ADAM18: variants seen among roughly 807,000 people sequenced by gnomAD.
ADAM18 encodes disintegrin and metalloproteinase domain-containing protein 18.
Under a neutral mutation model 94.4 loss-of-function variants are expected in ADAM18, and 117 were observed. The observed-to-expected ratio is 1.24, with a 90% CI of 1.07 to 1.45. The LOEUF (loss-of-function observed/expected upper bound fraction) is 1.45, where lower values mean the gene tolerates loss of function less well. Among genes scored for constraint, ADAM18 ranks in the 40% most tolerant of loss-of-function variants. The pLI, the probability that ADAM18 is intolerant of heterozygous loss-of-function variation, is 0.00. For missense variants in ADAM18, 936 were observed against 880.0 expected (o/e 1.06, Z -0.81); for synonymous variants, 327 against 291.6 (o/e 1.12, Z -1.24).
intron 6 of ADAM18, chr8:39,611,086 T>A: frequency 1.0e-6 from 1 of 1,001,216 alleles, no homozygotes; most frequent in Non-Finnish European, 1.2e-6. Flanking sequence ...GCCATTTGCA[T>A]GTTGCCAGAT....
chr8:39,698,507 C>T (rs1457157475), intron 17 of ADAM18, among the ~76,000 whole-genome samples: 3 of 151,904 alleles, frequency 2.0e-5, no homozygotes, highest in African/African-American at 7.2e-5. Flanking sequence ...TGGTGAATTG[C>T]TTGGTGTGTG....
intron 12 of ADAM18, among the ~76,000 whole-genome samples, chr8:39,651,667 G>A (rs1014346707): frequency 2.0e-5 from 3 of 152,128 alleles, no homozygotes; most frequent in Non-Finnish European, 2.9e-5. Context: ...CAAGGCAGAA[G>A]AATTTTTCTT....
intron 14 of ADAM18, among the ~76,000 whole-genome samples, chr8:39,674,233 T>G (rs1192444278): frequency 6.6e-6 from 1 of 152,164 alleles, no homozygotes; most frequent in Non-Finnish European, 1.5e-5. Flanking sequence ...TGTTAAAGTT[T>G]CCCATTATTA....
intron 6 of ADAM18, among the ~76,000 whole-genome samples, chr8:39,614,026 A>G (rs1427476682): frequency 6.6e-6 from 1 of 152,194 alleles, no homozygotes; most frequent in Non-Finnish European, 1.5e-5. Context: ...AGTGAAAGAG[A>G]GAGAGCAAGC....
chr8:39,666,577 A>G (rs1175059709), intron 13 of ADAM18, among the ~76,000 whole-genome samples: 1 of 152,160 alleles, frequency 6.6e-6, no homozygotes, highest in African/African-American at 2.4e-5. Context: ...AAAGAAGTTT[A>G]ATGGACTCGC....
At chr8:39,689,429 G>A (rs1304721961) in intron 16 of ADAM18, among the ~76,000 whole-genome samples, 10 of 152,036 alleles carry the variant, frequency 6.6e-5, no homozygotes, top group Non-Finnish European at 1.3e-4. Flanking sequence ...CATTTATCCC[G>A]GCATCATTTA....
At chr8:39,629,819 A>G (rs1046747612) in intron 7 of ADAM18, among the ~76,000 whole-genome samples, 3 of 152,004 alleles carry the variant, frequency 2.0e-5, no homozygotes, top group Non-Finnish European at 4.4e-5. Flanking sequence ...TGTTAGATAA[A>G]TCAACATTTG....
intron 19 of ADAM18, among the ~76,000 whole-genome samples, chr8:39,726,421 C>T (rs558309038): frequency 5.9e-5 from 9 of 152,176 alleles, no homozygotes; most frequent in Admixed American, 3.9e-4. Flanking sequence ...GCCATGGTGC[C>T]TGGCCACCCA....
At chr8:39,591,561 C>G (rs1172921134) in intron 2 of ADAM18, among the ~76,000 whole-genome samples, 1 of 152,160 alleles carries the variant, frequency 6.6e-6, no homozygotes, top group Non-Finnish European at 1.5e-5. Context: ...AAATTTCAGT[C>G]ATATCTTCAG....
intron 17 of ADAM18, among the ~76,000 whole-genome samples, chr8:39,695,715 T>C (rs1821905941): frequency 6.6e-6 from 1 of 151,470 alleles, no homozygotes; most frequent in Non-Finnish European, 1.5e-5. Context: ...TTATTTCACT[T>C]AGCATGATAT....
In ADAM18 at chr8:39,637,630, A is replaced by G. The variant is rs1820119750; in HGVS notation, c.754A>G (p.Ile252Val). Reference protein sequence around the residue: ...QISTSGDADDILQRFLAWKRD... With the variant: ...QISTSGDADDVLQRFLAWKRD... ...TTCCACCAGTGGGGATGCTGATGAT[A>G]TATTACAAAGATTTTTGGCATGGAA... The change falls in exon 9 of 20, where the codon ATA (isoleucine) becomes GTA (valine). Residue 252 changes from isoleucine (I) to valine (V), a missense_variant. By Grantham distance (29) the Ile-to-Val change is conservative (BLOSUM62 3). Transcript: ENST00000265707. 1 of 1,612,890 alleles carries G rather than the reference A, an allele frequency of 6.2e-7. No individual in the cohort carries two copies. Among genetic ancestry groups the G allele is most frequent in the Non-Finnish European group, 8.5e-7 (1 of 1,179,308 alleles).
At chr8:39,619,057 T>C (rs1410521145) in intron 6 of ADAM18, among the ~76,000 whole-genome samples, 2 of 151,832 alleles carry the variant, frequency 1.3e-5, no homozygotes, top group African/African-American at 4.8e-5. Flanking sequence ...AGGAAAAAAG[T>C]ATAAAAAAAG....
In ADAM18 at chr8:39,605,994, T is replaced by C. The variant is rs747382278; in HGVS notation, c.133-313T>C. Among the ~76,000 whole-genome samples, 9 of 152,362 alleles carry C rather than the reference T, an allele frequency of 5.9e-5. No individual in the cohort carries two copies. The South Asian group carries it at 1.7e-3, about 28-fold the overall frequency. ...TCTTGAGTTACTTCACTTAGAATAA[T>C]GGTCTCCAAACTCACCCAGGTCACT... is the stretch of plus-strand genomic sequence containing the variant. On this transcript the variant is annotated intron_variant, in intron 2 of 19. Transcript: ENST00000265707.
At chr8:39,671,611 A>G (rs914059906) in intron 14 of ADAM18, among the ~76,000 whole-genome samples, 2 of 152,178 alleles carry the variant, frequency 1.3e-5, no homozygotes, top group African/African-American at 4.8e-5. Flanking sequence ...GGATGGAGAC[A>G]ATTGAAAATA....
At chr8:39,691,489 G>A (rs1370898933) in intron 16 of ADAM18, among the ~76,000 whole-genome samples, 1 of 151,950 alleles carries the variant, frequency 6.6e-6, no homozygotes, top group Non-Finnish European at 1.5e-5. Flanking sequence ...TCAAAGAAAA[G>A]GAAATAAGTA....
chr8:39,614,688 C>T (rs1585899948), intron 6 of ADAM18, among the ~76,000 whole-genome samples: 1 of 152,090 alleles, frequency 6.6e-6, no homozygotes, highest in Admixed American at 6.5e-5. Context: ...AGAAGCAAGA[C>T]CCAACTGTAT....
intron 5 of ADAM18, 29 bp downstream of exon 5, chr8:39,609,590 A>G (rs930805992): frequency 1.3e-6 from 2 of 1,506,932 alleles, no homozygotes; most frequent in Non-Finnish European, 1.8e-6. Context: ...AAATCTATAG[A>G]TGGAGAACTT....
chr8:39,674,107 G>A (rs180913251), intron 14 of ADAM18, among the ~76,000 whole-genome samples: 116 of 152,264 alleles, frequency 7.6e-4, no homozygotes, highest in African/African-American at 2.7e-3. Context: ...CTGTTGATTT[G>A]GGGTGGAGAG....
intron 12 of ADAM18, among the ~76,000 whole-genome samples, chr8:39,660,234 AGTC>A: frequency 6.6e-6 from 1 of 152,310 alleles, no homozygotes; most frequent in South Asian, 2.1e-4. Flanking sequence ...AAATGGCAGT[AGTC>A]AATTCTTGCC....
Sources: allele counts gnomAD v4.1 joint callset (sites outside exome capture counted in the v4.1 genomes callset), GRCh38; gene constraint gnomAD v4.1.1; transcripts MANE v1.5; gene names NCBI Gene and HGNC (gene_info 2026-07-23, HGNC 2026-07-21).